Variants in TCP11L1 observed in about 807,000 individuals in gnomAD.
TCP11L1 encodes the protein t-complex 11 like 1, also known as T-complex protein 11-like protein 1.
In TCP11L1, 28 loss-of-function variants were observed where a neutral mutation model predicts 48.9. That is an observed-to-expected ratio of 0.57 (90% CI 0.42 to 0.78). The LOEUF (loss-of-function observed/expected upper bound fraction) is 0.78. TCP11L1 is among the 30% of genes least tolerant of loss of function. TCP11L1 has a pLI of 0.00. For synonymous variants in TCP11L1, 204 were observed against 231.9 expected (o/e 0.88, Z 1.09); for missense variants, 505 against 613.4 (o/e 0.82, Z 1.87).
intron 9 of TCP11L1, among the ~76,000 whole-genome samples, chr11:33,069,360 A>G (rs899771661): frequency 1.2e-4 from 18 of 151,862 alleles, no homozygotes; most frequent in African/African-American, 4.3e-4. Context: ...AACATATCAA[A>G]TATAATAACT....
At chr11:33,043,356 A>G (rs1853895571) in intron 1 of TCP11L1, among the ~76,000 whole-genome samples, 2 of 152,310 alleles carry the variant, frequency 1.3e-5, no homozygotes, top group African/African-American at 4.8e-5. Context: ...CATTATTTCC[A>G]AGGAGTTTAC....
chr11:33,068,552 G>A, intron 8 of TCP11L1, 135 bp from the exon 9 acceptor site: 1 of 1,112,606 alleles, frequency 9.0e-7, no homozygotes, highest in South Asian at 1.5e-5. Flanking sequence ...AGGTGGCAGG[G>A]AAAAGAGTCT....
At chr11:33,044,915 T>C (rs1564973619) in intron 2 of TCP11L1, among the ~76,000 whole-genome samples, 1 of 152,174 alleles carries the variant, frequency 6.6e-6, no homozygotes, top group Admixed American at 6.5e-5. Context: ...ATGAGGAAAA[T>C]ACAATATTTC....
intron 2 of TCP11L1, among the ~76,000 whole-genome samples, chr11:33,045,702 C>T (rs950893616): frequency 4.6e-5 from 7 of 152,014 alleles, no homozygotes; most frequent in South Asian, 2.1e-4. Context: ...GTGGAGGTGA[C>T]GAAGTCCAGT....
chr11:33,069,482 ATTAG>A (rs1039177823), intron 9 of TCP11L1, among the ~76,000 whole-genome samples: 14 of 152,240 alleles, frequency 9.2e-5, no homozygotes, highest in East Asian at 1.9e-4. Context: ...AATATTAGCT[ATTAG>A]TTATCACAGC....
At chr11:33,048,586 AC>A (rs1564975802) in intron 2 of TCP11L1, among the ~76,000 whole-genome samples, 1 of 152,210 alleles carries the variant, frequency 6.6e-6, no homozygotes, top group African/African-American at 2.4e-5. Flanking sequence ...ATGATCAGAT[AC>A]CTGTCATTGA....
chr11:33,042,142 G>T (rs920925537), intron 1 of TCP11L1, among the ~76,000 whole-genome samples: 4 of 152,048 alleles, frequency 2.6e-5, no homozygotes, highest in South Asian at 2.1e-4. Context: ...TTGTTTGTTT[G>T]TTTGTTTAGA....
At chr11:33,042,392 T>C (rs1853864567) in intron 1 of TCP11L1, among the ~76,000 whole-genome samples, 1 of 152,156 alleles carries the variant, frequency 6.6e-6, no homozygotes. Context: ...AGGCCTGTTT[T>C]AGGCTGGGCA....
chr11:33,064,818 G>A (rs1282688643), intron 7 of TCP11L1, among the ~76,000 whole-genome samples: 1 of 152,210 alleles, frequency 6.6e-6, no homozygotes, highest in Non-Finnish European at 1.5e-5. Flanking sequence ...GTCTCACTAT[G>A]TTGTCCAAGC....
chr11:33,044,688 C>A (rs897778514), intron 2 of TCP11L1, among the ~76,000 whole-genome samples: 1 of 152,160 alleles, frequency 6.6e-6, no homozygotes, highest in Non-Finnish European at 1.5e-5. Context: ...GATCAAAGCC[C>A]TTCCCGGGCA....
chr11:33,073,073 T>C lies in TCP11L1; in HGVS notation c.*397T>C, dbSNP rs895571289. Reference sequence around the variant, plus strand: ...GCGCAAAAGAGACCAAGCCATGGCCTCACCTCCTGCCCTCCCTCAGACAGC... The same window carrying C: ...GCGCAAAAGAGACCAAGCCATGGCCCCACCTCCTGCCCTCCCTCAGACAGC... On this transcript the variant is annotated 3_prime_UTR_variant, in exon 10 of 10. Coordinates refer to ENST00000334274, the MANE Select transcript of TCP11L1 (RefSeq NM_018393.4). The C allele has an allele frequency of 4.5e-6, 1 of 224,494 alleles. No individual in the cohort carries two copies. Among genetic ancestry groups the C allele is most frequent in the Non-Finnish European group, 8.9e-6 (1 of 111,914 alleles). 13.9% of individuals were successfully genotyped at this position (224,494 alleles called of 1,614,324 possible).
In TCP11L1 at chr11:33,065,814, CT is replaced by C; in HGVS notation, c.973-14del. ...TGGACCTGCAGCTCAGCGATGGCCT[CT>C]TCTATTCATTACAGACAGTTTTAAT... On this transcript the variant is annotated splice_polypyrimidine_tract_variant and intron_variant, in intron 7 of 9. Coordinates refer to ENST00000334274, the MANE Select transcript of TCP11L1 (RefSeq NM_018393.4). 6.2e-7 allele frequency: 1 copy of C among 1,610,052 alleles called. No homozygotes were observed. Among genetic ancestry groups the C allele is most frequent in the Non-Finnish European group, 8.5e-7 (1 of 1,177,256 alleles).
intron 6 of TCP11L1, 74 bp from the exon 7 acceptor site, chr11:33,061,456 A>G: frequency 7.1e-7 from 1 of 1,398,608 alleles, no homozygotes; most frequent in Non-Finnish European, 9.6e-7. Context: ...CAGGACATCG[A>G]TTGTCCCTTA....
chr11:33,042,384 GCCTGTTTTAGGCTGGGCA>G (rs1853863848), intron 1 of TCP11L1, among the ~76,000 whole-genome samples: 1 of 152,068 alleles, frequency 6.6e-6, no homozygotes, highest in African/African-American at 2.4e-5. Context: ...CCTGTTTTAG[GCCTGTTTTAGGCTGGGCA>G]CGGTGGCTCA....
At chr11:33,052,187 G>A (rs1241085563) in intron 2 of TCP11L1, among the ~76,000 whole-genome samples, 1 of 152,086 alleles carries the variant, frequency 6.6e-6, no homozygotes, top group Non-Finnish European at 1.5e-5. Flanking sequence ...AAGCCCCCGT[G>A]ACACGAGATT....
intron 9 of TCP11L1, among the ~76,000 whole-genome samples, chr11:33,070,332 C>T (rs1054687691): frequency 6.6e-6 from 1 of 151,906 alleles, no homozygotes; most frequent in Non-Finnish European, 1.5e-5. Flanking sequence ...AGGAACAATA[C>T]AAAGATTTCT....
At chr11:33,062,999 A>G (rs937522666) in intron 7 of TCP11L1, among the ~76,000 whole-genome samples, 1 of 152,156 alleles carries the variant, frequency 6.6e-6, no homozygotes, top group Admixed American at 6.5e-5. Flanking sequence ...AGCTAGGACT[A>G]CAAGAGTGTA....
At chr11:33,068,255 G>A (rs957312943) in intron 8 of TCP11L1, among the ~76,000 whole-genome samples, 34 of 152,160 alleles carry the variant, frequency 2.2e-4, no homozygotes, top group African/African-American at 7.7e-4. Flanking sequence ...TAATACATGT[G>A]TATGTTTCAA....
chr11:33,062,494 T>G (rs563921584), intron 7 of TCP11L1, among the ~76,000 whole-genome samples: 54 of 152,370 alleles, frequency 3.5e-4, no homozygotes, highest in African/African-American at 1.2e-3. Flanking sequence ...TTTTTGTTGT[T>G]GTGGTAAAAT....
Sources: allele counts gnomAD v4.1 joint callset (sites outside exome capture counted in the v4.1 genomes callset), GRCh38; gene constraint gnomAD v4.1.1; transcripts MANE v1.5; gene names NCBI Gene and HGNC (gene_info 2026-07-23, HGNC 2026-07-21).